The following ELL2 variants were observed in gnomAD, a reference collection of about 807,000 sequenced individuals.
ELL2 encodes RNA polymerase II elongation factor ELL2.
ELL2 carries 21 observed loss-of-function variants against 72.8 expected under a neutral mutation model. The observed-to-expected ratio is 0.29, with a 90% confidence interval of 0.20 to 0.42. The LOEUF is 0.42. ELL2 is among the 10% of genes least tolerant of loss of function. The probability of loss-of-function intolerance (pLI) is 1.00; values close to 1 mark genes in which losing one functional copy is unlikely to be tolerated. For missense variants in ELL2, 568 were observed against 772.8 expected (o/e 0.73, Z 3.14); for synonymous variants, 266 against 283.2 (o/e 0.94, Z 0.61).
At chr5:95,945,272 G>T (rs184719752) in intron 1 of ELL2, among the ~76,000 whole-genome samples, 40 of 152,220 alleles carry the variant, frequency 2.6e-4, no homozygotes, top group African/African-American at 8.4e-4. Context: ...TTATCCTCTT[G>T]GTTATCCAGG....
chr5:95,927,952 T>C (rs2112327616), intron 2 of ELL2, among the ~76,000 whole-genome samples: 1 of 151,562 alleles, frequency 6.6e-6, no homozygotes, highest in South Asian at 2.1e-4. Flanking sequence ...AGTGTTGGTT[T>C]CGTCAGCTAA....
At chr5:95,946,927 T>A (rs1751178901) in intron 1 of ELL2, among the ~76,000 whole-genome samples, 1 of 142,928 alleles carries the variant, frequency 7.0e-6, no homozygotes, top group Admixed American at 7.6e-5. Flanking sequence ...CAACAAGGAG[T>A]GGTGAGTACC....
chr5:95,887,228 T>C lies in ELL2; in HGVS notation c.*1643A>G, dbSNP rs1027309395. 6.6e-6 allele frequency: 1 copy of C among 152,224 alleles called. No individual in the cohort carries two copies. The highest frequency in any genetic ancestry group is 2.4e-5 in the African/African-American group (1 of 41,454). The allele number at this position is 152,224 out of a possible 1,614,324, so 9.4% of individuals were successfully genotyped here. On this transcript the variant is annotated 3_prime_UTR_variant, in exon 12 of 12. Transcript: ENST00000237853. ...TGCAAAAGGGACTTGTTTCAGTCTT[T>C]GTATAGTCTGTATACTTCTGTATAC...
rs1001056258 is a variant in ELL2 at position 95,894,021 on chromosome 5, T to C, written c.1589+1607A>G. 2.0e-5 allele frequency among the ~76,000 whole-genome samples: 3 copies of C among 152,138 alleles called. No individual in the cohort carries two copies. The South Asian group carries it at 6.2e-4, about 32-fold the overall frequency. On this transcript the variant is annotated intron_variant, in intron 9 of 11. Coordinates refer to ENST00000237853, the MANE Select transcript of ELL2 (RefSeq NM_012081.6). ...TCCCAGCACTTTGTGAGGCTTGAGG[T>C]GGGTGGATCACCTGAGGTCAGGAGT...
Position 95,907,512 on chromosome 5 carries a change from T to G in ELL2, c.482-730A>C, listed in dbSNP as rs376993915. On this transcript the variant is annotated intron_variant, in intron 4 of 11. Transcript: ENST00000237853. Reference sequence around the variant, plus strand: ...TTCATGTGGTTAACCCATTTGCTGTTTAGACTGAACACTGACACTTGGCAA... The same window carrying G: ...TTCATGTGGTTAACCCATTTGCTGTGTAGACTGAACACTGACACTTGGCAA... 6.6e-5 allele frequency among the ~76,000 whole-genome samples: 10 copies of G among 152,116 alleles called. No homozygotes were observed. The South Asian group carries it at 1.2e-3, about 19-fold the overall frequency.
At chr5:95,938,559 C>T (rs188686249) in intron 2 of ELL2, among the ~76,000 whole-genome samples, 1 of 152,048 alleles carries the variant, frequency 6.6e-6, no homozygotes, top group African/African-American at 2.4e-5. Context: ...CCCATCTCTA[C>T]AACAACAACA....
chr5:95,951,165 C>T (rs914629572), intron 1 of ELL2, among the ~76,000 whole-genome samples: 4 of 151,090 alleles, frequency 2.6e-5, no homozygotes, highest in South Asian at 2.1e-4. Flanking sequence ...GTCAGGATAT[C>T]GAGACCATCC....
chr5:95,936,433 C>T (rs1372205565), intron 2 of ELL2, among the ~76,000 whole-genome samples: 2 of 152,164 alleles, frequency 1.3e-5, no homozygotes, highest in African/African-American at 4.8e-5. Context: ...CTCATCATAG[C>T]TCTCCAGGGA....
chr5:95,914,276 GAT>G (rs1485310419), intron 3 of ELL2, among the ~76,000 whole-genome samples: 1 of 152,028 alleles, frequency 6.6e-6, no homozygotes, highest in African/African-American at 2.4e-5. Flanking sequence ...ATCTAACACT[GAT>G]ATGAGGAAAG....
chr5:95,944,238 A>C (rs888539768), intron 1 of ELL2, among the ~76,000 whole-genome samples: 1 of 152,210 alleles, frequency 6.6e-6, no homozygotes. Context: ...AAGACAGACC[A>C]CCTGAATGTA....
At chr5:95,942,903 G>A (rs2112348668) in intron 2 of ELL2, 99 bp downstream of exon 2, 2 of 777,626 alleles carry the variant, frequency 2.6e-6, no homozygotes, top group Non-Finnish European at 1.9e-6. Flanking sequence ...CAGAATGAGT[G>A]GCTGATTATA....
At chr5:95,913,524 A>G (rs748760665) in intron 4 of ELL2, 2 of 343,476 alleles carry the variant, frequency 5.8e-6, no homozygotes, top group Non-Finnish European at 5.2e-6. Flanking sequence ...TCCCAGTACT[A>G]TAAAATAATA....
chr5:95,943,150 G>C (rs538101960), intron 1 of ELL2, 101 bp from the exon 2 acceptor site: 1 of 936,124 alleles, frequency 1.1e-6, no homozygotes, highest in Non-Finnish European at 1.5e-6. Flanking sequence ...GCCAGGCACA[G>C]TGACTCATGA....
At chr5:95,917,303 A>G (rs1749850811) in intron 3 of ELL2, among the ~76,000 whole-genome samples, 1 of 152,174 alleles carries the variant, frequency 6.6e-6, no homozygotes, top group African/African-American at 2.4e-5. Context: ...AAATATAGAT[A>G]AGAAGACTAG....
At chr5:95,947,901 A>G (rs890657149) in intron 1 of ELL2, among the ~76,000 whole-genome samples, 3 of 152,166 alleles carry the variant, frequency 2.0e-5, no homozygotes, top group African/African-American at 7.2e-5. Context: ...AGGATGATGT[A>G]TAGTGAAAGA....
chr5:95,931,978 G>GTTTT (rs10627430), intron 2 of ELL2, among the ~76,000 whole-genome samples: 1 of 140,776 alleles, frequency 7.1e-6, no homozygotes, highest in African/African-American at 2.6e-5. Context: ...CTGTGGGGGT[G>GTTTT]TTTTTTTTTT....
At chr5:95,927,746 T>C (rs1483749511) in intron 2 of ELL2, among the ~76,000 whole-genome samples, 1 of 68,404 alleles carries the variant, frequency 1.5e-5, no homozygotes, top group African/African-American at 1.1e-4. Flanking sequence ...CACACACACA[T>C]ATGTGTGTAT....
intron 3 of ELL2, among the ~76,000 whole-genome samples, chr5:95,919,047 T>C (rs1011067674): frequency 1.3e-5 from 2 of 152,160 alleles, no homozygotes; most frequent in African/African-American, 4.8e-5. Flanking sequence ...TATTTTTAAC[T>C]TCTTTACCCT....
intron 2 of ELL2, among the ~76,000 whole-genome samples, chr5:95,927,378 CACACGT>C (rs1353726717): frequency 2.4e-5 from 2 of 83,554 alleles, no homozygotes; most frequent in South Asian, 9.6e-4. Flanking sequence ...CATACACACA[CACACGT>C]GTGTATATAT....
Sources: allele counts gnomAD v4.1 joint callset (sites outside exome capture counted in the v4.1 genomes callset), GRCh38; gene constraint gnomAD v4.1.1; transcripts MANE v1.5; gene names NCBI Gene and HGNC (gene_info 2026-07-23, HGNC 2026-07-21).